The following OTOG variants were observed in gnomAD, a reference collection of about 807,000 sequenced individuals.
The protein encoded by OTOG is otogelin.
Under a neutral mutation model 313.8 loss-of-function variants are expected in OTOG, and 296 were observed. That is an observed-to-expected ratio of 0.94 (90% CI 0.86 to 1.04). The LOEUF (loss-of-function observed/expected upper bound fraction) is 1.04, where lower values mean the gene tolerates loss of function less well. Ranked by LOEUF, OTOG falls within the 50% of genes least tolerant of loss-of-function variation. OTOG has a pLI of 0.00. For missense variants in OTOG, 3,948 were observed against 3,840.1 expected (o/e 1.03, Z -0.74); for synonymous variants, 1,533 against 1,554.9 (o/e 0.99, Z 0.33).
At chr11:17,563,974 G>A (rs1343882512) in intron 15 of OTOG, among the ~76,000 whole-genome samples, 3 of 151,066 alleles carry the variant, frequency 2.0e-5, no homozygotes, top group Admixed American at 2.0e-4. Context: ...GGGGTTATAG[G>A]TGTGAGCCAC....
chr11:17,547,736 A>C (rs931368526), intron 1 of OTOG, among the ~76,000 whole-genome samples, 191 bp from the exon 2 acceptor site: 2 of 152,052 alleles, frequency 1.3e-5, no homozygotes, highest in Non-Finnish European at 2.9e-5. Flanking sequence ...AAAGACTGAG[A>C]GTAAACAGGG....
intron 49 of OTOG, among the ~76,000 whole-genome samples, chr11:17,639,743 G>C (rs1319203556): frequency 6.6e-6 from 1 of 152,228 alleles, no homozygotes; most frequent in Non-Finnish European, 1.5e-5. Context: ...AGTGATGATG[G>C]TGGGGACAGT....
At position 17,608,348 on chromosome 11, in the gene OTOG, C is replaced by T; in HGVS notation, c.4209C>T (p.Ala1403=). ...AYPICEWRYD[A]CASPCFQTCR... is the part of the protein sequence containing the mutation. The stretch of plus-strand genomic sequence containing the variant: ...CCATCTGCGAGTGGCGCTACGATGC[C>T]TGTGCCAGCCCCTGCTTCCAAACCT... Residue 1403 remains alanine, a synonymous_variant, in exon 34 of 56, where the codon GCC becomes GCT. Coordinates refer to ENST00000399397, the MANE Select transcript of OTOG (RefSeq NM_001292063.2). The T allele has an allele frequency of 6.5e-7, 1 of 1,547,738 alleles. No homozygotes were observed. The highest frequency in any genetic ancestry group is 8.7e-7 in the Non-Finnish European group (1 of 1,145,892).
rs781150269 is a variant in OTOG, at chr11:17,610,386, C to A, written c.5086C>A (p.Pro1696Thr). 21 of 1,550,606 alleles carry A rather than the reference C, an allele frequency of 1.4e-5. No homozygotes were observed. The highest frequency in any genetic ancestry group is 1.8e-5 in the Non-Finnish European group (21 of 1,146,962). The change falls in exon 36 of 56, where the codon CCT becomes ACT. Residue 1696 changes from proline to threonine, a missense_variant. Physicochemically the swap from Pro to Thr is conservative, Grantham distance 38. Transcript: ENST00000399397. ...QAQSASSPSTPLTVAGTAAEQ... is the reference protein window; with the variant it reads ...QAQSASSPSTTLTVAGTAAEQ... The stretch of plus-strand genomic sequence containing the variant: ...CCAGAGTGCTTCAAGTCCCAGCACC[C>A]CTCTAACTGTGGCTGGAACAGCAGC...
chr11:17,610,694 C>A lies in OTOG; in HGVS notation c.5394C>A (p.Leu1798=), dbSNP rs943466615. The change falls in exon 36 of 56, where the codon CTC becomes CTA. Residue 1798 remains leucine (L), a synonymous_variant. Coordinates refer to ENST00000399397, the MANE Select transcript of OTOG (RefSeq NM_001292063.2). ...MSLESTRPSQ[L]LSGLPPDTSL... Reference sequence around the variant, plus strand: ...TTGAGTCAACTCGTCCCTCCCAGCTCCTCTCTGGCCTGCCTCCCGACACCA... The same window carrying A: ...TTGAGTCAACTCGTCCCTCCCAGCTACTCTCTGGCCTGCCTCCCGACACCA... The A allele has an allele frequency of 1.5e-5, 24 of 1,550,414 alleles. No individual in the cohort carries two copies. The highest frequency in any genetic ancestry group is 2.0e-5 in the Non-Finnish European group (23 of 1,147,012).
intron 23 of OTOG, among the ~76,000 whole-genome samples, chr11:17,585,298 G>A (rs564390129): frequency 1.4e-4 from 22 of 152,072 alleles, no homozygotes; most frequent in African/African-American, 4.1e-4. Flanking sequence ...ACTTAACATC[G>A]TACATCATAT....
chr11:17,644,044 C>A (rs1295015375), intron 54 of OTOG, among the ~76,000 whole-genome samples: 1 of 152,260 alleles, frequency 6.6e-6, no homozygotes, highest in African/African-American at 2.4e-5. Flanking sequence ...AATGTCCCTT[C>A]TGCTAGATGG....
At chr11:17,551,118 G>A (rs1303784326) in intron 3 of OTOG, among the ~76,000 whole-genome samples, 2 of 152,210 alleles carry the variant, frequency 1.3e-5, no homozygotes, top group Non-Finnish European at 2.9e-5. Context: ...ACTCTGCCCT[G>A]TTCACTGCAT....
Position 17,594,048 on chromosome 11 carries a change from G to A in OTOG, c.3290G>A (p.Gly1097Asp). The A allele has an allele frequency of 6.4e-7, 1 of 1,550,552 alleles. No homozygotes were observed. Residue 1097 changes from glycine (G) to aspartate (D), a missense_variant and splice_region_variant, in exon 28 of 56, where the codon GGC becomes GAC. Physicochemically the swap from Gly to Asp is moderately conservative, Grantham distance 94. Coordinates refer to ENST00000399397, the MANE Select transcript of OTOG (RefSeq NM_001292063.2). ...VHVQAGPQWQ[G>D]QLAGLCGNFD... ...CCATGGTGTCCTCTCTCCTTTCAGG[G>A]CCAGCTGGCGGGCCTCTGTGGGAAC...
chr11:17,585,889 G>A (rs1317175427), intron 23 of OTOG, among the ~76,000 whole-genome samples: 1 of 152,218 alleles, frequency 6.6e-6, no homozygotes, highest in Admixed American at 6.5e-5. Flanking sequence ...GTAGATCCTG[G>A]ATTTGAACAA....
rs1851828725 is a variant in OTOG at position 17,547,320 on chromosome 11, G to T, written c.-53G>T. On this transcript the variant is annotated 5_prime_UTR_variant, in exon 1 of 56. Coordinates refer to ENST00000399397, the MANE Select transcript of OTOG (RefSeq NM_001292063.2). Reference sequence around the variant, plus strand: ...TGTGACCCTGCCTTAGCCCGGGGAGGCACCTCGGGAGGCTGGCCCTGCGCT... The same window carrying T: ...TGTGACCCTGCCTTAGCCCGGGGAGTCACCTCGGGAGGCTGGCCCTGCGCT... The T allele has an allele frequency of 1.6e-6, 2 of 1,286,706 alleles. No individual in the cohort carries two copies. Among genetic ancestry groups the T allele is most frequent in the Non-Finnish European group, 2.0e-6 (2 of 1,014,612 alleles). The allele number at this position is 1,286,706 out of a possible 1,614,324, so 79.7% of individuals were successfully genotyped here.
intron 15 of OTOG, among the ~76,000 whole-genome samples, chr11:17,568,151 C>T (rs1445887612): frequency 1.3e-5 from 2 of 152,158 alleles, no homozygotes; most frequent in Non-Finnish European, 2.9e-5. Flanking sequence ...TCGTGATCCG[C>T]CCACCTTGGC....
chr11:17,557,884 A>G (rs1447503489), intron 8 of OTOG, among the ~76,000 whole-genome samples: 1 of 152,190 alleles, frequency 6.6e-6, no homozygotes, highest in African/African-American at 2.4e-5. Flanking sequence ...TCAGAGAGAC[A>G]CAGGAGCTTG....
rs73418078 is a variant in OTOG, at chr11:17,574,238, C to A, written c.2294-482C>A. 4.7e-3 allele frequency among the ~76,000 whole-genome samples: 721 copies of A among 152,212 alleles called. 2 individuals are homozygous for A. The highest frequency in any genetic ancestry group is 0.017 in the African/African-American group (693 of 41,506). On this transcript the variant is annotated intron_variant, in intron 19 of 55. Coordinates refer to ENST00000399397, the MANE Select transcript of OTOG (RefSeq NM_001292063.2). ...GTCTTGAGTCTTGGGACAAAGGGAG[C>A]AAAACAGGCTGCTAGAGGGAGCACA...
intron 1 of OTOG, 33 bp downstream of exon 1, chr11:17,547,499 G>T (rs1461042394): frequency 1.5e-6 from 2 of 1,329,618 alleles, no homozygotes; most frequent in Non-Finnish European, 1.9e-6. Flanking sequence ...GAGGTCGGGG[G>T]CTCGAGGAAT....
intron 14 of OTOG, 73 bp downstream of exon 14, chr11:17,561,210 G>T (rs1852175347): frequency 6.6e-7 from 1 of 1,513,842 alleles, no homozygotes. Flanking sequence ...GGAATCTCTG[G>T]GGGCCAGGCT....
chr11:17,567,036 T>C (rs779807607), intron 15 of OTOG, among the ~76,000 whole-genome samples: 23 of 152,178 alleles, frequency 1.5e-4, no homozygotes, highest in Non-Finnish European at 2.5e-4. Context: ...CCCAACTGGG[T>C]AGGATTGGGT....
Position 17,602,378 on chromosome 11 carries a change from G to C in OTOG, c.3877+1G>C. Reference sequence around the variant, plus strand: ...GCTCTGTACAAGGCCAAGGCCCATGGTAAGGCCCATCCCAGTCCCACTCCA... The same window carrying C: ...GCTCTGTACAAGGCCAAGGCCCATGCTAAGGCCCATCCCAGTCCCACTCCA... On this transcript the variant is annotated splice_donor_variant, in intron 32 of 55. Transcript: ENST00000399397. LOFTEE classifies it high-confidence loss of function. The C allele has an allele frequency of 1.9e-6, 3 of 1,549,510 alleles. No homozygotes were observed. Among genetic ancestry groups the C allele is most frequent in the Non-Finnish European group, 2.6e-6 (3 of 1,146,408 alleles).
At chr11:17,638,653 GT>G in intron 48 of OTOG, 104 bp downstream of exon 48, 1 of 1,483,090 alleles carries the variant, frequency 6.7e-7, no homozygotes, top group Non-Finnish European at 9.2e-7. Context: ...TCTCAGATCT[GT>G]CCCCTGCAGG....
Sources: gnomAD v4.1 joint callset for allele counts (sites outside exome capture counted in the v4.1 genomes callset) on GRCh38, gnomAD v4.1.1 for gene constraint, MANE v1.5 for transcripts, NCBI Gene and HGNC (gene_info 2026-07-23, HGNC 2026-07-21) for gene names.